HS3ST1: variants seen among roughly 807,000 people sequenced by gnomAD.
HS3ST1 encodes heparan sulfate glucosamine 3-O-sulfotransferase 1.
HS3ST1 carries 8 observed loss-of-function variants against 20.7 expected under a neutral mutation model. The observed-to-expected ratio is 0.39, with a 90% CI of 0.23 to 0.70. The LOEUF is 0.70. HS3ST1 is among the 30% of genes least tolerant of loss of function. The pLI, the probability that HS3ST1 is intolerant of heterozygous loss-of-function variation, is 0.46. For missense variants in HS3ST1, 436 were observed against 423.4 expected, an observed-to-expected ratio of 1.03 and a Z score of -0.26; for synonymous variants, 205 against 190.4, an observed-to-expected ratio of 1.08 and a Z score of -0.63.
chr4:11,409,593 C>T (rs919393560), intron 1 of HS3ST1, among the ~76,000 whole-genome samples: 1 of 152,258 alleles, frequency 6.6e-6, no homozygotes, highest in African/African-American at 2.4e-5. Flanking sequence ...AGAACCACTT[C>T]TGCTGACACC....
chr4:11,415,489 TGAAGA>T (rs1356659455), intron 1 of HS3ST1, among the ~76,000 whole-genome samples: 6 of 152,202 alleles, frequency 3.9e-5, no homozygotes, highest in Admixed American at 6.5e-5. Context: ...GATATTAACT[TGAAGA>T]GAAAAGTGAA....
chr4:11,422,900 A>G (rs896470536), intron 1 of HS3ST1, among the ~76,000 whole-genome samples: 6 of 151,766 alleles, frequency 4.0e-5, no homozygotes, highest in African/African-American at 1.2e-4. Flanking sequence ...ACAAATGATC[A>G]AGTTAAAAGG....
At chr4:11,427,309 C>T (rs1179302848) in intron 1 of HS3ST1, among the ~76,000 whole-genome samples, 2 of 152,190 alleles carry the variant, frequency 1.3e-5, no homozygotes, top group Non-Finnish European at 2.9e-5. Flanking sequence ...GACCCTCTTC[C>T]GGGGCTACTG....
upstream of HS3ST1, among the ~76,000 whole-genome samples, chr4:11,431,983 T>A: frequency 6.6e-6 from 1 of 152,306 alleles, no homozygotes; most frequent in Admixed American, 6.5e-5. Flanking sequence ...TAGCCCAGAC[T>A]TCCCTATTTT....
intron 1 of HS3ST1, among the ~76,000 whole-genome samples, chr4:11,401,563 C>T (rs1322468365): frequency 5.3e-5 from 8 of 152,122 alleles, no homozygotes; most frequent in African/African-American, 9.7e-5. Context: ...AGGCTGGTCT[C>T]GAAATCCCAC....
chr4:11,432,359 CTT>C (rs1334421357), upstream of HS3ST1, among the ~76,000 whole-genome samples: 1 of 152,164 alleles, frequency 6.6e-6, no homozygotes, highest in African/African-American at 2.4e-5. Context: ...CAGTGGGACT[CTT>C]TATCCACAAA....
chr4:11,404,247 G>T (rs112050695), intron 1 of HS3ST1, among the ~76,000 whole-genome samples: 1 of 151,946 alleles, frequency 6.6e-6, no homozygotes, highest in East Asian at 1.9e-4. Context: ...ATGGGGTTTC[G>T]CCATGTTGGT....
At chr4:11,405,257 G>C (rs1718433838) in intron 1 of HS3ST1, among the ~76,000 whole-genome samples, 1 of 152,128 alleles carries the variant, frequency 6.6e-6, no homozygotes, top group Admixed American at 6.5e-5. Context: ...CTGTTTTCTG[G>C]GTGTTATGGT....
chr4:11,413,007 A>G (rs2108885879), intron 1 of HS3ST1, among the ~76,000 whole-genome samples: 1 of 152,260 alleles, frequency 6.6e-6, no homozygotes, highest in South Asian at 2.1e-4. Flanking sequence ...GTGGGGTACA[A>G]GGAGAATTCA....
At chr4:11,401,974 T>TA (rs1718338612) in intron 1 of HS3ST1, among the ~76,000 whole-genome samples, 1 of 152,176 alleles carries the variant, frequency 6.6e-6, no homozygotes, top group South Asian at 2.1e-4. Flanking sequence ...TCATCTCTGT[T>TA]AAAACACATT....
At position 11,400,006 on chromosome 4, in the gene HS3ST1, G is replaced by A. The variant is rs928439487; in HGVS notation, c.-1C>T. 1 of 1,510,048 alleles carries A rather than the reference G, an allele frequency of 6.6e-7. No individual in the cohort carries two copies. Among genetic ancestry groups the A allele is most frequent in the South Asian group, 1.3e-5 (1 of 79,430 alleles). The allele number at this position is 1,510,048 out of a possible 1,614,324, so 93.5% of individuals were successfully genotyped here. ...CCGCGCCCAGGAGCAGCGCGGCCAT[G>A]CTGGACACCACGGTGGCTTCACTGG... On this transcript the variant is annotated 5_prime_UTR_variant, in exon 2 of 2. Transcript: ENST00000002596.
intron 1 of HS3ST1, among the ~76,000 whole-genome samples, chr4:11,405,893 C>T (rs1718451321): frequency 6.6e-6 from 1 of 152,166 alleles, no homozygotes; most frequent in Non-Finnish European, 1.5e-5. Context: ...TTCTCTCAGT[C>T]CCACTACTGG....
chr4:11,418,008 C>T (rs948631250), intron 1 of HS3ST1, among the ~76,000 whole-genome samples: 3 of 152,204 alleles, frequency 2.0e-5, no homozygotes, highest in African/African-American at 7.2e-5. Flanking sequence ...GCCTGTGAGC[C>T]TGTGACCTAG....
intron 1 of HS3ST1, among the ~76,000 whole-genome samples, chr4:11,416,200 C>A (rs973536771): frequency 6.6e-6 from 1 of 152,156 alleles, no homozygotes; most frequent in African/African-American, 2.4e-5. Flanking sequence ...AAAAGATCTG[C>A]CTCCCCTCAA....
intron 1 of HS3ST1, among the ~76,000 whole-genome samples, chr4:11,405,192 A>G (rs79272895): frequency 0.02 from 3,114 of 152,344 alleles, 105 homozygotes; most frequent in African/African-American, 0.071. Context: ...ATGGGTTAAT[A>G]GGTCCCAAAG....
intron 1 of HS3ST1, among the ~76,000 whole-genome samples, chr4:11,407,055 G>A (rs1193246370): frequency 6.6e-6 from 1 of 152,190 alleles, no homozygotes; most frequent in Non-Finnish European, 1.5e-5. Context: ...GTGCCTGTCA[G>A]CCTATGAGAG....
intron 1 of HS3ST1, among the ~76,000 whole-genome samples, chr4:11,418,769 C>T (rs1371741679): frequency 6.6e-6 from 1 of 152,200 alleles, no homozygotes; most frequent in East Asian, 1.9e-4. Context: ...GCACCATGGC[C>T]TGTCCCTCCA....
intron 1 of HS3ST1, among the ~76,000 whole-genome samples, chr4:11,405,689 G>A (rs1718445674): frequency 6.6e-6 from 1 of 152,080 alleles, no homozygotes; most frequent in African/African-American, 2.4e-5. Context: ...GCAGAAACCA[G>A]ATGTTGAAAG....
chr4:11,426,361 A>G (rs1719058082), intron 1 of HS3ST1, among the ~76,000 whole-genome samples: 1 of 111,390 alleles, frequency 9.0e-6, no homozygotes, highest in East Asian at 2.9e-4. Flanking sequence ...TTCCCTTCAG[A>G]GGCCCCCCCC....
Sources: gnomAD v4.1 joint callset for allele counts (sites outside exome capture counted in the v4.1 genomes callset) on GRCh38, gnomAD v4.1.1 for gene constraint, MANE v1.5 for transcripts, NCBI Gene and HGNC (gene_info 2026-07-23, HGNC 2026-07-21) for gene names.